The following CSMD1 variants were observed in gnomAD, a reference collection of about 807,000 sequenced individuals.
The protein encoded by CSMD1 is CUB and Sushi multiple domains 1, also known as CUB and sushi domain-containing protein 1.
Under a neutral mutation model 417.5 loss-of-function variants are expected in CSMD1, and 213 were observed. The observed-to-expected ratio is 0.51, with a 90% CI of 0.46 to 0.57. The LOEUF (loss-of-function observed/expected upper bound fraction) is 0.57, where lower values mean the gene tolerates loss of function less well. CSMD1 is among the 20% of genes least tolerant of loss of function. CSMD1 has a pLI of 0.00. For synonymous variants in CSMD1, 2,862 were observed against 1,736.8 expected, an observed-to-expected ratio of 1.65 and a Z score of -16.11; for missense variants, 6,923 against 4,529.7, an observed-to-expected ratio of 1.53 and a Z score of -15.17.
chr8:4,034,303 T>C (rs1463835185), intron 3 of CSMD1, among the ~76,000 whole-genome samples: 1 of 152,208 alleles, frequency 6.6e-6, no homozygotes, highest in East Asian at 1.9e-4. Context: ...TATTGACATG[T>C]TTATGAGATC....
intron 39 of CSMD1, among the ~76,000 whole-genome samples, chr8:3,154,126 C>T (rs542011941): frequency 6.6e-6 from 1 of 152,208 alleles, no homozygotes; most frequent in Non-Finnish European, 1.5e-5. Flanking sequence ...ACAACTGCGA[C>T]TACGCCTGGC....
At chr8:3,783,637 G>A (rs968601376) in intron 5 of CSMD1, among the ~76,000 whole-genome samples, 1 of 152,196 alleles carries the variant, frequency 6.6e-6, no homozygotes, top group Non-Finnish European at 1.5e-5. Flanking sequence ...TGGTTCTTCT[G>A]CATGTCCATA....
intron 66 of CSMD1, among the ~76,000 whole-genome samples, chr8:2,950,558 T>C (rs1169234838): frequency 6.6e-6 from 1 of 152,176 alleles, no homozygotes; most frequent in Non-Finnish European, 1.5e-5. Flanking sequence ...TGAATAGGTA[T>C]AATCCACTCC....
At chr8:3,314,455 G>A (rs1341989862) in intron 23 of CSMD1, among the ~76,000 whole-genome samples, 7 of 151,838 alleles carry the variant, frequency 4.6e-5, no homozygotes, top group African/African-American at 1.2e-4. Context: ...AATTATTCAG[G>A]GCACAAATAC....
At chr8:3,800,866 C>G (rs946347340) in intron 5 of CSMD1, among the ~76,000 whole-genome samples, 1 of 152,142 alleles carries the variant, frequency 6.6e-6, no homozygotes, top group Non-Finnish European at 1.5e-5. Flanking sequence ...TCACCAGAGA[C>G]TGGTGCCATG....
intron 50 of CSMD1, among the ~76,000 whole-genome samples, chr8:3,048,411 A>G (rs747180084): frequency 6.6e-6 from 1 of 152,220 alleles, no homozygotes; most frequent in Non-Finnish European, 1.5e-5. Context: ...AACAGAATAC[A>G]GAGCCCAGAA....
intron 7 of CSMD1, among the ~76,000 whole-genome samples, chr8:3,634,063 G>C (rs1419918263): frequency 1.3e-5 from 2 of 152,044 alleles, no homozygotes; most frequent in African/African-American, 2.4e-5. Flanking sequence ...AGCACATCTG[G>C]GTAGGGGGTG....
At chr8:3,884,930 TTC>T (rs372725434) in intron 5 of CSMD1, among the ~76,000 whole-genome samples, 29,292 of 144,838 alleles carry the variant, frequency 0.2, 3,193 homozygotes, top group African/African-American at 0.29. Context: ...TATATATATA[TTC>T]ATATATATAT....
At chr8:3,645,214 A>C (rs1797517627) in intron 7 of CSMD1, among the ~76,000 whole-genome samples, 1 of 152,176 alleles carries the variant, frequency 6.6e-6, no homozygotes, top group Admixed American at 6.5e-5. Flanking sequence ...AAACCAATGC[A>C]CAGTCCAAAG....
chr8:4,956,121 C>G (rs1378009849), intron 1 of CSMD1, among the ~76,000 whole-genome samples: 1 of 152,252 alleles, frequency 6.6e-6, no homozygotes, highest in South Asian at 2.1e-4. Context: ...CTGCTAATTA[C>G]TTTCTCGCTC....
intron 1 of CSMD1, among the ~76,000 whole-genome samples, chr8:4,684,911 T>C (rs530852865): frequency 9.2e-5 from 14 of 152,294 alleles, no homozygotes; most frequent in African/African-American, 3.1e-4. Flanking sequence ...AACTGTAAAA[T>C]TCACTAATAA....
At chr8:3,832,250 C>G (rs1364470653) in intron 5 of CSMD1, among the ~76,000 whole-genome samples, 2 of 152,288 alleles carry the variant, frequency 1.3e-5, no homozygotes, top group East Asian at 3.9e-4. Flanking sequence ...TCCTGCGCTT[C>G]CCTGCCTGAT....
chr8:4,633,188 T>C (rs573928439), intron 2 of CSMD1, among the ~76,000 whole-genome samples: 1 of 100,046 alleles, frequency 1.0e-5, no homozygotes, highest in African/African-American at 3.2e-5. Context: ...TAGGAACATT[T>C]ACTATTAGGA....
At chr8:4,953,278 C>T (rs1418050673) in intron 1 of CSMD1, among the ~76,000 whole-genome samples, 1 of 152,078 alleles carries the variant, frequency 6.6e-6, no homozygotes, top group Non-Finnish European at 1.5e-5. Flanking sequence ...AATAGCCTAA[C>T]TAAATCAGTC....
chr8:3,999,646 C>A (rs1014563225), intron 4 of CSMD1, among the ~76,000 whole-genome samples: 1 of 152,136 alleles, frequency 6.6e-6, no homozygotes, highest in African/African-American at 2.4e-5. Context: ...CATTTCCCAT[C>A]CTTCCTACGG....
At chr8:4,706,174 A>G (rs1282400083) in intron 1 of CSMD1, among the ~76,000 whole-genome samples, 1 of 151,268 alleles carries the variant, frequency 6.6e-6, no homozygotes, top group Non-Finnish European at 1.5e-5. Flanking sequence ...CTGTACATAT[A>G]TATTTTTTCA....
At chr8:3,565,131 C>CAAAA (rs869248314) in intron 10 of CSMD1, among the ~76,000 whole-genome samples, 394 of 10,450 alleles carry the variant, frequency 0.038, 62 homozygotes, top group East Asian at 0.042. Context: ...TGCAAGACAG[C>CAAAA]AAAAAAAAAA....
At chr8:3,112,141 A>T (rs1816558489) in intron 42 of CSMD1, among the ~76,000 whole-genome samples, 1 of 151,874 alleles carries the variant, frequency 6.6e-6, no homozygotes, top group Non-Finnish European at 1.5e-5. Flanking sequence ...CCCAGCTGCT[A>T]CCTCCTTTCA....
Position 4,220,709 on chromosome 8 carries a change from T to C in CSMD1, c.416-188610A>G, listed in dbSNP as rs888748444. 2.0e-5 allele frequency among the ~76,000 whole-genome samples: 3 copies of C among 152,184 alleles called. No homozygotes were observed. The East Asian group carries it at 5.8e-4, about 29-fold the overall frequency. On this transcript the variant is annotated intron_variant, in intron 3 of 69. Coordinates refer to ENST00000635120, the MANE Select transcript of CSMD1 (RefSeq NM_033225.6). ...AGATCAAGAACATTTCCCAGGTGCA[T>C]GCATTGAGCAATTCACTAGCTGGGA...
Sources: allele counts gnomAD v4.1 joint callset (sites outside exome capture counted in the v4.1 genomes callset), GRCh38; gene constraint gnomAD v4.1.1; transcripts MANE v1.5; gene names NCBI Gene and HGNC (gene_info 2026-07-23, HGNC 2026-07-21).